Variants in SAFB observed in about 807,000 individuals in gnomAD.
The protein encoded by SAFB is scaffold attachment factor B1.
In SAFB, 15 loss-of-function variants were observed where a neutral mutation model predicts 101.6. That is an observed-to-expected ratio of 0.15 (90% CI 0.10 to 0.23). SAFB has a LOEUF of 0.23. SAFB is among the 10% of genes least tolerant of loss of function. SAFB has a pLI of 1.00. For synonymous variants in SAFB, 449 were observed against 407.5 expected (o/e 1.10, Z -1.23); for missense variants, 930 against 1,104.1 (o/e 0.84, Z 2.23).
intron 4 of SAFB, among the ~76,000 whole-genome samples, chr19:5,643,114 G>A (rs1292269905): frequency 6.6e-6 from 1 of 152,120 alleles, no homozygotes; most frequent in East Asian, 1.9e-4. Context: ...TAATTCCAGA[G>A]GCCATGTACT....
intron 13 of SAFB, among the ~76,000 whole-genome samples, chr19:5,654,887 G>A (rs1334592209): frequency 1.3e-5 from 2 of 152,226 alleles, no homozygotes; most frequent in South Asian, 4.1e-4. Context: ...TTTAAGAAAT[G>A]CAGAAAGCTT....
chr19:5,629,701 T>TA (rs1245063653), intron 2 of SAFB, among the ~76,000 whole-genome samples: 1 of 152,228 alleles, frequency 6.6e-6, no homozygotes, highest in East Asian at 1.9e-4. Context: ...TTTGATAACT[T>TA]AGTGAAAGGA....
intron 2 of SAFB, among the ~76,000 whole-genome samples, chr19:5,633,499 GC>G (rs1474704593): frequency 6.6e-6 from 1 of 152,166 alleles, no homozygotes; most frequent in African/African-American, 2.4e-5. Context: ...AGGGTCTGCA[GC>G]CAGGCGCGGT....
At chr19:5,659,009 G>A (rs1440204371) in intron 14 of SAFB, among the ~76,000 whole-genome samples, 1 of 152,132 alleles carries the variant, frequency 6.6e-6, no homozygotes, top group East Asian at 1.9e-4. Flanking sequence ...GCCAGGTATG[G>A]TGGTGCGTGC....
Position 5,664,093 on chromosome 19 carries a change from G to T in SAFB, c.2225G>T (p.Arg742Leu). 6.2e-7 allele frequency: 1 copy of T among 1,613,992 alleles called. No homozygotes were observed. Among genetic ancestry groups the T allele is most frequent in the Non-Finnish European group, 8.5e-7 (1 of 1,180,002 alleles). The change falls in exon 16 of 21, where the codon CGC (arginine) becomes CTC (leucine). Residue 742 changes from arginine (R) to leucine (L), a missense_variant. By Grantham distance (102) the Arg-to-Leu change is moderately radical. Around this residue, in one of 7 missense-constraint regions of SAFB, gnomAD observed 318 missense variants for 342.6 expected, o/e 0.93. Transcript: ENST00000588852. ...LDERYHSDFNRQDRFHDFDHR... is the reference protein window; with the variant it reads ...LDERYHSDFNLQDRFHDFDHR... ...GAGCGCTACCATTCTGACTTTAACC[G>T]CCAGGACCGCTTCCACGACTTTGAC...
At chr19:5,649,759 T>A (rs965571624) in intron 7 of SAFB, 167 bp from the exon 8 acceptor site, 1 of 795,282 alleles carries the variant, frequency 1.3e-6, no homozygotes, top group Non-Finnish European at 2.0e-6. Context: ...CTCCTGTGGG[T>A]CTGAAATCTT....
intron 15 of SAFB, among the ~76,000 whole-genome samples, chr19:5,663,063 C>T (rs886679170): frequency 6.6e-6 from 1 of 152,074 alleles, no homozygotes; most frequent in African/African-American, 2.4e-5. Flanking sequence ...AGTGCAATGG[C>T]GTGATCTCAG....
chr19:5,667,704 C>G lies in SAFB; in HGVS notation c.2558-116C>G, dbSNP rs1469482565. 3 of 977,010 alleles carry G rather than the reference C, an allele frequency of 3.1e-6. No homozygotes were observed. The highest frequency in any genetic ancestry group is 4.8e-6 in the Non-Finnish European group (3 of 629,420). The allele number at this position is 977,010 out of a possible 1,614,324, so 60.5% of individuals were successfully genotyped here. Reference sequence around the variant, plus strand: ...CCTGTGCCCAGGTGTCTTCCTGGGACCCGCTAGTTGTGGGTACCTGGGGGC... The same window carrying G: ...CCTGTGCCCAGGTGTCTTCCTGGGAGCCGCTAGTTGTGGGTACCTGGGGGC... On this transcript the variant is annotated intron_variant, in intron 19 of 20. Coordinates refer to ENST00000588852, the MANE Select transcript of SAFB (RefSeq NM_001201338.2). This position sits in a 1 kb window ranked among gnomAD's most constrained non-coding sequence, Gnocchi z 4.0.
At chr19:5,653,865 C>T (rs1164165003) in intron 11 of SAFB, among the ~76,000 whole-genome samples, 196 bp from the exon 12 acceptor site, 1 of 152,034 alleles carries the variant, frequency 6.6e-6, no homozygotes, top group African/African-American at 2.4e-5. Context: ...TCAACCAATT[C>T]TCATGCCTCA....
rs965547479 is a variant in SAFB, at chr19:5,623,145, G to A, written c.-61G>A. On this transcript the variant is annotated 5_prime_UTR_variant, in exon 1 of 21. Transcript: ENST00000588852. Reference sequence around the variant, plus strand: ...TCGCAGGCGGCGCCATTTTGTGCTAGGAGCCTGATAAAACCGGCCCGGTTC... The same window carrying A: ...TCGCAGGCGGCGCCATTTTGTGCTAAGAGCCTGATAAAACCGGCCCGGTTC... The A allele has an allele frequency of 1.9e-5, 28 of 1,507,844 alleles. No individual in the cohort carries two copies. The Middle Eastern group carries it at 9.2e-4, about 50-fold the overall frequency. 93.4% of individuals were successfully genotyped at this position (1,507,844 alleles called of 1,614,324 possible). A position where few individuals can be genotyped will look rare whatever the true frequency, so the allele number is the denominator to read the frequency against.
rs777736158 is a variant in SAFB, at chr19:5,653,384, G to A, written c.1490G>A (p.Ser497Asn). Residue 497 changes from serine to asparagine, a missense_variant, in exon 11 of 21, where the codon AGT becomes AAT. Ser to Asn is a conservative substitution (Grantham distance 46). Coordinates refer to ENST00000588852, the MANE Select transcript of SAFB (RefSeq NM_001201338.2). ...VGKKTSDKRD[S>N]DGKKEKSSNS... ...AAGAAAACCTCTGACAAAAGAGACA[G>A]TGACGGGAAAAAGGAGAAGTCGAGC... 4 of 1,614,094 alleles carry A rather than the reference G, an allele frequency of 2.5e-6. No homozygotes were observed. The East Asian group carries it at 8.9e-5, about 36-fold the overall frequency.
At chr19:5,631,994 C>A (rs976536182) in intron 2 of SAFB, among the ~76,000 whole-genome samples, 23 of 152,154 alleles carry the variant, frequency 1.5e-4, no homozygotes, top group African/African-American at 5.1e-4. Context: ...TTGCAGTGAA[C>A]CATGATTGGG....
chr19:5,632,377 G>GT (rs1946012086), intron 2 of SAFB, among the ~76,000 whole-genome samples: 1 of 152,138 alleles, frequency 6.6e-6, no homozygotes, highest in Admixed American at 6.5e-5. Flanking sequence ...AGACCGCATG[G>GT]TAAGTTGCAA....
At chr19:5,631,958 G>T (rs776333267) in intron 2 of SAFB, among the ~76,000 whole-genome samples, 1 of 152,116 alleles carries the variant, frequency 6.6e-6, no homozygotes, top group Non-Finnish European at 1.5e-5. Context: ...GAGGTGGGAG[G>T]ATCACGTGAG....
At chr19:5,636,031 A>G (rs1568253348) in intron 2 of SAFB, among the ~76,000 whole-genome samples, 1 of 152,040 alleles carries the variant, frequency 6.6e-6, no homozygotes, top group Non-Finnish European at 1.5e-5. Flanking sequence ...TATACGTTGA[A>G]GATTAAACAT....
chr19:5,653,124 G>T lies in SAFB; in HGVS notation c.1303G>T (p.Ala435Ser). ...LFSKYGKVVG[A>S]KVVTNARSPG... ...CCTGCTTTCCTTTGAGGTGGTGGGC[G>T]CCAAGGTTGTGACAAATGCCCGGAG... is the stretch of plus-strand genomic sequence containing the variant. The change falls in exon 10 of 21, where the codon GCC becomes TCC. Residue 435 changes from alanine to serine, a missense_variant. Ala to Ser is a moderately conservative substitution (Grantham distance 99). Coordinates refer to ENST00000588852, the MANE Select transcript of SAFB (RefSeq NM_001201338.2). The T allele has an allele frequency of 6.2e-7, 1 of 1,613,584 alleles. No homozygotes were observed. The highest frequency in any genetic ancestry group is 8.5e-7 in the Non-Finnish European group (1 of 1,180,006).
rs369420491 is a variant in SAFB at position 5,653,255 on chromosome 19, C to T, written c.1434C>T (p.Ser478=). 43 of 1,613,966 alleles carry T rather than the reference C, an allele frequency of 2.7e-5. No homozygotes were observed. Among genetic ancestry groups the T allele is most frequent in the East Asian group, 1.1e-4 (5 of 44,884 alleles). The change falls in exon 10 of 21, where the codon TCC becomes TCT. Residue 478 remains serine (S), a synonymous_variant. Transcript: ENST00000588852. ...CGGAGCTCCACGGAAAGATGATCTC[C>T]GTGGAGAAAGTGAGTGGCCGTTTTC... The part of the protein sequence containing the change: ...HKTELHGKMI[S]VEKAKNEPVG...
At chr19:5,647,044 C>A (rs924260625) in intron 5 of SAFB, among the ~76,000 whole-genome samples, 19 of 152,222 alleles carry the variant, frequency 1.2e-4, no homozygotes, top group African/African-American at 4.6e-4. Context: ...AAGGTGCTTA[C>A]ATTTGTGCCT....
At chr19:5,627,598 ACT>A (rs1203405432) in intron 2 of SAFB, among the ~76,000 whole-genome samples, 1 of 151,988 alleles carries the variant, frequency 6.6e-6, no homozygotes, top group Non-Finnish European at 1.5e-5. Flanking sequence ...ACATGACATG[ACT>A]CTCACCATCT....
Sources: gnomAD v4.1 joint callset for allele counts (sites outside exome capture counted in the v4.1 genomes callset) on GRCh38, gnomAD v4.1.1 for gene constraint, gnomAD v4.1.1 regional missense constraint, Gnocchi (gnomAD v3.1) non-coding constraint, MANE v1.5 for transcripts, NCBI Gene and HGNC (gene_info 2026-07-23, HGNC 2026-07-21) for gene names.